NAV2: variants seen among roughly 807,000 people sequenced by gnomAD.
The protein encoded by NAV2 is helicase, APC down-regulated 1.
In NAV2, 54 loss-of-function variants were observed where a neutral mutation model predicts 223.2. The observed-to-expected ratio is 0.24, with a 90% CI of 0.19 to 0.30. The LOEUF (loss-of-function observed/expected upper bound fraction) is 0.30. NAV2 is among the 10% of genes least tolerant of loss of function. NAV2 has a pLI of 1.00. For synonymous variants in NAV2, 1,279 were observed against 1,239.3 expected (o/e 1.03, Z -0.67); for missense variants, 2,806 against 3,147.5 (o/e 0.89, Z 2.60).
intron 3 of NAV2, among the ~76,000 whole-genome samples, chr11:19,864,211 A>T: frequency 6.6e-6 from 1 of 152,342 alleles, no homozygotes; most frequent in East Asian, 1.9e-4. Flanking sequence ...TTGGCAAAAA[A>T]CTATTAAACC....
chr11:19,637,347 C>A (rs986535870), intron 1 of NAV2, among the ~76,000 whole-genome samples: 1 of 152,182 alleles, frequency 6.6e-6, no homozygotes, highest in Non-Finnish European at 1.5e-5. Context: ...GATCTTGCCT[C>A]CACCTTCAAT....
At chr11:19,403,419 A>C (rs1257519510) in intron 1 of NAV2, among the ~76,000 whole-genome samples, 1 of 152,186 alleles carries the variant, frequency 6.6e-6, no homozygotes, top group South Asian at 2.1e-4. Flanking sequence ...AGGTAGGAAG[A>C]CACGTGGAAT....
chr11:19,421,991 A>G (rs1156985994), intron 1 of NAV2, among the ~76,000 whole-genome samples: 1 of 152,092 alleles, frequency 6.6e-6, no homozygotes, highest in Non-Finnish European at 1.5e-5. Context: ...TCTTACCTGT[A>G]ACGAAAAGCT....
chr11:19,929,977 G>A (rs1025129375), intron 6 of NAV2, among the ~76,000 whole-genome samples: 1 of 152,150 alleles, frequency 6.6e-6, no homozygotes, highest in Non-Finnish European at 1.5e-5. Flanking sequence ...AGTTCTCATA[G>A]CACCTCATAG....
intron 10 of NAV2, among the ~76,000 whole-genome samples, chr11:19,956,896 T>C (rs1483547667): frequency 6.6e-6 from 1 of 152,130 alleles, no homozygotes; most frequent in African/African-American, 2.4e-5. Flanking sequence ...CCATGGTTGG[T>C]TTGTCTCGCA....
chr11:19,533,652 C>T (rs992707156), intron 1 of NAV2, among the ~76,000 whole-genome samples: 1 of 152,128 alleles, frequency 6.6e-6, no homozygotes, highest in Non-Finnish European at 1.5e-5. Flanking sequence ...TCTCTACCCC[C>T]ACCCCCTCTG....
At chr11:19,372,544 C>T (rs544160730) in intron 1 of NAV2, among the ~76,000 whole-genome samples, 1 of 152,264 alleles carries the variant, frequency 6.6e-6, no homozygotes, top group African/African-American at 2.4e-5. Flanking sequence ...GGCTGGTAGT[C>T]CTCCCTCCAG....
chr11:20,036,085 C>G lies in NAV2; in HGVS notation c.2895C>G (p.Asn965Lys). 6 of 1,614,236 alleles carry G rather than the reference C, an allele frequency of 3.7e-6. No individual in the cohort carries two copies. Among genetic ancestry groups the G allele is most frequent in the Non-Finnish European group, 5.1e-6 (6 of 1,180,032 alleles). ...YANTPASSRKNLDVQTDAEKH... is the reference protein window; with the variant it reads ...YANTPASSRKKLDVQTDAEKH... ...ACACACCTGCCTCCTCTCGAAAAAA[C>G]CTGGATGTGCAGGTGAGGAACACAG... Residue 965 changes from asparagine to lysine, a missense_variant, in exon 12 of 38, where the codon AAC (asparagine) becomes AAG (lysine). By Grantham distance (94) the Asn-to-Lys change is moderately conservative (BLOSUM62 0). Around this residue, in one of 4 missense-constraint regions of NAV2, gnomAD observed 73 missense variants for 119.7 expected, o/e 0.61. Coordinates refer to ENST00000349880, the MANE Select transcript of NAV2 (RefSeq NM_145117.5).
In NAV2 at chr11:19,933,674, A is replaced by G; in HGVS notation, c.1430A>G (p.Asn477Ser). Reference sequence around the variant, plus strand: ...AGGACTTTTAGCCGGGCACTGACCAACAAGAAGAGTTCTCTGAAAGGCAAT... The same window carrying G: ...AGGACTTTTAGCCGGGCACTGACCAGCAAGAAGAGTTCTCTGAAAGGCAAT... ...AQRTFSRALT[N>S]KKSSLKGNEK... The change falls in exon 7 of 38, where the codon AAC (asparagine) becomes AGC (serine). Residue 477 changes from asparagine (N) to serine (S), a missense_variant. Physicochemically the swap from Asn to Ser is conservative, Grantham distance 46. Transcript: ENST00000349880. The surrounding 1 kb of genome is among the most constrained non-coding windows in gnomAD (Gnocchi z 4.3). The G allele has an allele frequency of 6.2e-7, 1 of 1,614,208 alleles. No homozygotes were observed.
chr11:19,577,811 G>A (rs1590585299), intron 1 of NAV2, among the ~76,000 whole-genome samples: 1 of 152,140 alleles, frequency 6.6e-6, no homozygotes, highest in Non-Finnish European at 1.5e-5. Flanking sequence ...TTCCAATGGT[G>A]GCAGCAGCAG....
chr11:19,935,860 T>TTTTG (rs1480573273), intron 7 of NAV2, among the ~76,000 whole-genome samples: 16 of 108,432 alleles, frequency 1.5e-4, no homozygotes, highest in South Asian at 4.2e-4. Flanking sequence ...TGTTTTTTTT[T>TTTTG]TTTTTTTTTT....
At chr11:19,519,539 C>A (rs1487183) in intron 1 of NAV2, among the ~76,000 whole-genome samples, 1,880 of 152,274 alleles carry the variant, frequency 0.012, 35 homozygotes, top group African/African-American at 0.043. Context: ...GCTCTAGCTC[C>A]CTCTGCCACC....
At chr11:19,621,747 C>T (rs1312653768) in intron 1 of NAV2, among the ~76,000 whole-genome samples, 2 of 151,930 alleles carry the variant, frequency 1.3e-5, no homozygotes, top group African/African-American at 4.8e-5. Context: ...TTTTTTGTCT[C>T]TATCTCCTTC....
chr11:19,884,208 G>A, intron 5 of NAV2: 1 of 979,102 alleles, frequency 1.0e-6, no homozygotes, highest in Non-Finnish European at 1.6e-6. Flanking sequence ...CATCCCCATT[G>A]TCAGAAGACT....
intron 1 of NAV2, among the ~76,000 whole-genome samples, chr11:19,776,395 G>C (rs925272049): frequency 6.6e-6 from 1 of 152,150 alleles, no homozygotes; most frequent in Non-Finnish European, 1.5e-5. Context: ...AGGCAGACGA[G>C]GAAATAAAGG....
intron 2 of NAV2, among the ~76,000 whole-genome samples, chr11:19,836,830 G>A (rs1018218147): frequency 3.3e-5 from 5 of 152,200 alleles, no homozygotes; most frequent in Non-Finnish European, 7.3e-5. Flanking sequence ...GGTGCTGGCA[G>A]ATTCTATGTC....
chr11:19,787,020 T>A (rs1021316482), intron 1 of NAV2, among the ~76,000 whole-genome samples: 15 of 152,128 alleles, frequency 9.9e-5, no homozygotes, highest in Non-Finnish European at 1.3e-4. Context: ...CCATATTTTT[T>A]AAAAAGTTAG....
chr11:19,682,596 T>C (rs1039882637), intron 1 of NAV2, among the ~76,000 whole-genome samples: 18 of 152,194 alleles, frequency 1.2e-4, no homozygotes, highest in Admixed American at 9.8e-4. Flanking sequence ...TTCTGAAGGC[T>C]ATACAAGCAT....
chr11:19,465,917 A>G (rs1192783398), intron 1 of NAV2, among the ~76,000 whole-genome samples: 1 of 152,250 alleles, frequency 6.6e-6, no homozygotes, highest in Non-Finnish European at 1.5e-5. Flanking sequence ...ATCAGTAGAG[A>G]GGAATTAACC....
Sources: gnomAD v4.1 joint callset for allele counts (sites outside exome capture counted in the v4.1 genomes callset) on GRCh38, gnomAD v4.1.1 for gene constraint, gnomAD v4.1.1 regional missense constraint, Gnocchi (gnomAD v3.1) non-coding constraint, MANE v1.5 for transcripts, NCBI Gene and HGNC (gene_info 2026-07-23, HGNC 2026-07-21) for gene names.